The following CALN1 variants were observed in gnomAD, a reference collection of about 807,000 sequenced individuals.
The protein encoded by CALN1 is calcium-binding protein 8.
CALN1 carries 17 observed loss-of-function variants against 30.6 expected under a neutral mutation model. That is an observed-to-expected ratio of 0.56 (90% CI 0.38 to 0.83). CALN1 has a LOEUF of 0.83. CALN1 is among the 40% of genes least tolerant of loss of function. The pLI is 0.00. For synonymous variants in CALN1, 156 were observed against 131.4 expected (o/e 1.19, Z -1.28); for missense variants, 291 against 354.9 (o/e 0.82, Z 1.45).
chr7:72,059,946 G>T (rs766688077), intron 4 of CALN1, among the ~76,000 whole-genome samples: 3 of 146,216 alleles, frequency 2.1e-5, no homozygotes, highest in Non-Finnish European at 4.6e-5. Context: ...GTAAGTTGTA[G>T]TAGCAGGTGA....
At chr7:72,042,106 G>C (rs922769674) in intron 4 of CALN1, among the ~76,000 whole-genome samples, 1 of 152,166 alleles carries the variant, frequency 6.6e-6, no homozygotes, top group Non-Finnish European at 1.5e-5. Context: ...CTTAGCAGTA[G>C]CAACTTGGTT....
intron 2 of CALN1, among the ~76,000 whole-genome samples, chr7:72,321,533 G>A (rs765611142): frequency 6.6e-6 from 1 of 152,194 alleles, no homozygotes; most frequent in Non-Finnish European, 1.5e-5. Flanking sequence ...TGTTTTGCGT[G>A]AAGTGGGGCA....
intron 5 of CALN1, among the ~76,000 whole-genome samples, chr7:72,007,187 T>G (rs1799816869): frequency 6.6e-6 from 1 of 152,202 alleles, no homozygotes; most frequent in South Asian, 2.1e-4. Flanking sequence ...CGTGACTGAC[T>G]TCCACCAGCC....
chr7:71,839,290 T>C (rs1427691352), intron 5 of CALN1, among the ~76,000 whole-genome samples: 1 of 152,136 alleles, frequency 6.6e-6, no homozygotes, highest in Non-Finnish European at 1.5e-5. Context: ...TCCAGCACTT[T>C]GGGAGTTGAG....
chr7:72,053,562 C>T (rs530320897), intron 4 of CALN1, among the ~76,000 whole-genome samples: 6 of 152,270 alleles, frequency 3.9e-5, no homozygotes, highest in Admixed American at 2.0e-4. Flanking sequence ...CCCAACCTTA[C>T]CAGCATGTGT....
chr7:71,861,129 C>G (rs938187890), intron 5 of CALN1, among the ~76,000 whole-genome samples: 1 of 152,064 alleles, frequency 6.6e-6, no homozygotes, highest in African/African-American at 2.4e-5. Context: ...ACACTGAACC[C>G]TGAATGCCAT....
rs572169593 is a variant in CALN1 at position 71,977,868 on chromosome 7, G to A, written c.501+45789C>T. Among the ~76,000 whole-genome samples, 6 of 150,458 alleles carry A rather than the reference G, an allele frequency of 4.0e-5. No individual in the cohort carries two copies. The South Asian group carries it at 8.4e-4, about 21-fold the overall frequency. ...AATCGCTTGAACCTGGGAAGCAGAC[G>A]TTGCAGTGAGCTGAGATTGTGCCAC... On this transcript the variant is annotated intron_variant, in intron 5 of 6. Transcript: ENST00000395275.
chr7:72,403,960 T>G (rs922545105), intron 1 of CALN1, among the ~76,000 whole-genome samples: 1 of 152,122 alleles, frequency 6.6e-6, no homozygotes, highest in South Asian at 2.1e-4. Context: ...CCTAACTTCC[T>G]TAAAGCATAC....
Position 72,247,227 on chromosome 7 carries a change from C to CTTTTTTTTTTTTTTT in CALN1, c.244+31444_244+31458dup, listed in dbSNP as rs764276435. Among the ~76,000 whole-genome samples, 15 of 77,668 alleles carry CTTTTTTTTTTTTTTT rather than the reference C, an allele frequency of 1.9e-4. 3 individuals carry two copies. Among genetic ancestry groups the CTTTTTTTTTTTTTTT allele is most frequent in the Non-Finnish European group, 2.1e-4 (9 of 42,970 alleles). The allele number at this position is 77,668 out of a possible 152,430, so 51.0% of individuals were successfully genotyped here. On this transcript the variant is annotated intron_variant, in intron 3 of 6. Transcript: ENST00000395275. The stretch of plus-strand genomic sequence containing the variant: ...GGGTTTTCAACAGACCATTTTCTTT[C>CTTTTTTTTTTTTTTT]TTTTTTTTTTTTTTTTTTTTTTTTT...
intron 4 of CALN1, among the ~76,000 whole-genome samples, chr7:72,037,411 A>G (rs1801867550): frequency 6.6e-6 from 1 of 152,106 alleles, no homozygotes; most frequent in African/African-American, 2.4e-5. Context: ...CGGCCTCCCA[A>G]AGTGCTGGGA....
intron 5 of CALN1, among the ~76,000 whole-genome samples, chr7:71,879,245 T>C (rs1050277298): frequency 6.6e-6 from 1 of 152,190 alleles, no homozygotes; most frequent in African/African-American, 2.4e-5. Context: ...TATGTTTTTT[T>C]CTCCCCATGA....
intron 1 of CALN1, among the ~76,000 whole-genome samples, chr7:72,442,854 T>C (rs1232783685): frequency 6.6e-6 from 1 of 152,220 alleles, no homozygotes; most frequent in Non-Finnish European, 1.5e-5. Flanking sequence ...TTGCACTTTA[T>C]GTAGGGTTGC....
At chr7:72,209,961 A>G (rs1413928964) in intron 3 of CALN1, among the ~76,000 whole-genome samples, 2 of 152,138 alleles carry the variant, frequency 1.3e-5, no homozygotes, top group Non-Finnish European at 2.9e-5. Context: ...AAAGTTCTAG[A>G]TAATAAAAAT....
At chr7:72,197,773 T>C (rs1389698445) in intron 3 of CALN1, among the ~76,000 whole-genome samples, 2 of 152,172 alleles carry the variant, frequency 1.3e-5, no homozygotes, top group Admixed American at 6.5e-5. Context: ...GGAGGATCAC[T>C]TGAGCCCAGG....
At chr7:71,797,040 GGA>G (rs1432067267) in intron 6 of CALN1, among the ~76,000 whole-genome samples, 1 of 152,160 alleles carries the variant, frequency 6.6e-6, no homozygotes, top group Non-Finnish European at 1.5e-5. Flanking sequence ...CTTTTCTCCT[GGA>G]GAGAGTCATC....
chr7:72,031,734 ATTTT>A (rs544026184), intron 4 of CALN1, among the ~76,000 whole-genome samples: 8 of 114,676 alleles, frequency 7.0e-5, no homozygotes, highest in African/African-American at 1.0e-4. Flanking sequence ...CGCCTGGCTA[ATTTT>A]TTTTTTTTTT....
At chr7:72,159,481 C>A (rs1196985214) in intron 3 of CALN1, among the ~76,000 whole-genome samples, 3 of 151,948 alleles carry the variant, frequency 2.0e-5, no homozygotes, top group African/African-American at 4.8e-5. Context: ...GCCTGGGCAA[C>A]AGAGCGAGAC....
At chr7:71,924,518 G>T (rs143586243) in intron 5 of CALN1, among the ~76,000 whole-genome samples, 2 of 152,072 alleles carry the variant, frequency 1.3e-5, no homozygotes, top group South Asian at 4.2e-4. Flanking sequence ...CACCCAATAC[G>T]CTTGAAGTTA....
At chr7:72,179,666 T>C (rs996751446) in intron 3 of CALN1, among the ~76,000 whole-genome samples, 4 of 152,204 alleles carry the variant, frequency 2.6e-5, no homozygotes, top group African/African-American at 9.6e-5. Flanking sequence ...GATAACTAAA[T>C]GAATCGCCAT....
Sources: allele counts gnomAD v4.1 joint callset (sites outside exome capture counted in the v4.1 genomes callset), GRCh38; gene constraint gnomAD v4.1.1; transcripts MANE v1.5; gene names NCBI Gene and HGNC (gene_info 2026-07-23, HGNC 2026-07-21).